LMX1B: variants seen among roughly 807,000 people sequenced by gnomAD.
LMX1B encodes the protein LIM homeobox transcription factor 1-beta.
In LMX1B, 12 loss-of-function variants were observed where a neutral mutation model predicts 51.4. That is an observed-to-expected ratio of 0.23 (90% CI 0.15 to 0.38). The LOEUF is 0.38. Among genes scored for constraint, LMX1B ranks in the 10% least tolerant of loss-of-function variants. The probability of loss-of-function intolerance (pLI) is 1.00; values close to 1 mark genes in which losing one functional copy is unlikely to be tolerated. For synonymous variants in LMX1B, 237 were observed against 235.4 expected, an observed-to-expected ratio of 1.01 and a Z score of -0.06; for missense variants, 445 against 571.1, an observed-to-expected ratio of 0.78 and a Z score of 2.25.
chr9:126,690,795 C>G, intron 2 of LMX1B, 41 bp from the exon 3 acceptor site: 1 of 1,547,578 alleles, frequency 6.5e-7, no homozygotes, highest in South Asian at 1.2e-5. Context: ...CTGGGAGGGA[C>G]TTCTGAGCAC....
At chr9:126,634,705 T>A (rs1445335179) in intron 2 of LMX1B, among the ~76,000 whole-genome samples, 1 of 152,134 alleles carries the variant, frequency 6.6e-6, no homozygotes, top group Non-Finnish European at 1.5e-5. Flanking sequence ...ATTCCTACTG[T>A]CCAGGTTGTT....
rs775152546 is a variant in LMX1B, at chr9:126,696,432, G to A, written c.1190G>A (p.Ser397Asn). ...NPIDRLYSMQ[S>N]SYFAS ...ATCGACCGGCTCTACTCCATGCAGA[G>A]TTCCTACTTCGCCTCCTGAGAGCCA... Residue 397 changes from serine to asparagine, a missense_variant, in exon 8 of 8, where the codon AGT becomes AAT. This residue lies in a region of LMX1B where 162 missense variants were observed against 187.8 expected (regional missense o/e 0.86). Coordinates refer to ENST00000373474, the MANE Select transcript of LMX1B (RefSeq NM_001174147.2). The A allele has an allele frequency of 3.1e-6, 5 of 1,614,070 alleles. No homozygotes were observed. Among genetic ancestry groups the A allele is most frequent in the Non-Finnish European group, 4.2e-6 (5 of 1,179,968 alleles).
intron 2 of LMX1B, among the ~76,000 whole-genome samples, chr9:126,674,683 C>T (rs113206402): frequency 0.015 from 2,304 of 152,232 alleles, 58 homozygotes; most frequent in African/African-American, 0.052. Context: ...CTGACAGGGC[C>T]GAGGGAGCCA....
intron 2 of LMX1B, among the ~76,000 whole-genome samples, chr9:126,681,753 T>C (rs1564165533): frequency 6.6e-6 from 1 of 151,830 alleles, no homozygotes; most frequent in Non-Finnish European, 1.5e-5. Flanking sequence ...ATACAAAAAT[T>C]AGCCGAGTGT....
rs1323005968 is a variant in LMX1B, at chr9:126,626,244, C to T, written c.326+10675C>T. Among the ~76,000 whole-genome samples the T allele has an allele frequency of 1.3e-5, 2 of 152,216 alleles. No homozygotes were observed. Among genetic ancestry groups the T allele is most frequent in the African/African-American group, 4.8e-5 (2 of 41,468 alleles). ...AGAGTGCACGCAGTCTCCTGCGCGC[C>T]GAGCCCAGGCTCCGGGCGCAGGGAG... On this transcript the variant is annotated intron_variant, in intron 2 of 7. Coordinates refer to ENST00000373474, the MANE Select transcript of LMX1B (RefSeq NM_001174147.2). The surrounding 1 kb of genome is among the most constrained non-coding windows in gnomAD (Gnocchi z 4.3).
chr9:126,689,557 G>T (rs2030038097), intron 2 of LMX1B, among the ~76,000 whole-genome samples: 2 of 152,230 alleles, frequency 1.3e-5, no homozygotes, highest in African/African-American at 4.8e-5. Context: ...TCAAAGTGTT[G>T]TTGAGCTGAG....
In LMX1B at chr9:126,626,024, G is replaced by C. The variant is rs373019467; in HGVS notation, c.326+10455G>C. ...AAACGAAGCCTGCGTGCCCCCGGGG[G>C]CTCCGTTTTGCTCCCCTCATGGACA... On this transcript the variant is annotated intron_variant, in intron 2 of 7. Transcript: ENST00000373474. This position sits in a 1 kb window ranked among gnomAD's most constrained non-coding sequence, Gnocchi z 4.3. 6.6e-6 allele frequency among the ~76,000 whole-genome samples: 1 copy of C among 152,262 alleles called. No homozygotes were observed. Among genetic ancestry groups the C allele is most frequent in the Non-Finnish European group, 1.5e-5 (1 of 68,044 alleles).
chr9:126,679,238 C>A (rs1270668591), intron 2 of LMX1B, among the ~76,000 whole-genome samples: 2 of 151,030 alleles, frequency 1.3e-5, no homozygotes, highest in African/African-American at 5.0e-5. Context: ...TGAGTCACTA[C>A]ATGGCGTTTG....
intron 3 of LMX1B, among the ~76,000 whole-genome samples, chr9:126,692,820 G>T (rs1186342697): frequency 6.6e-6 from 1 of 152,258 alleles, no homozygotes; most frequent in Non-Finnish European, 1.5e-5. Flanking sequence ...GTACGTGTGT[G>T]CATGCCTGTG....
At chr9:126,644,487 G>A (rs527594114) in intron 2 of LMX1B, among the ~76,000 whole-genome samples, 9 of 152,252 alleles carry the variant, frequency 5.9e-5, no homozygotes, top group South Asian at 4.1e-4. Flanking sequence ...GGGAGTGCCC[G>A]CCCTTCCCGC....
intron 2 of LMX1B, among the ~76,000 whole-genome samples, chr9:126,627,333 T>C (rs1449324384): frequency 6.6e-6 from 1 of 152,150 alleles, no homozygotes; most frequent in Admixed American, 6.5e-5. Context: ...CCTGCTTGCT[T>C]CTGACTTCAT....
chr9:126,650,060 C>T (rs1835971481), intron 2 of LMX1B, among the ~76,000 whole-genome samples: 1 of 152,224 alleles, frequency 6.6e-6, no homozygotes, highest in African/African-American at 2.4e-5. Context: ...GCTTGGTGAG[C>T]CCCTGTTCAT....
intron 2 of LMX1B, among the ~76,000 whole-genome samples, chr9:126,635,247 A>C (rs1317996228): frequency 6.6e-6 from 1 of 152,098 alleles, no homozygotes; most frequent in Admixed American, 6.5e-5. Context: ...CTAGTCAGCT[A>C]CTTGCCCCCA....
At chr9:126,678,335 A>AAAAAC (rs1836610200) in intron 2 of LMX1B, among the ~76,000 whole-genome samples, 4 of 141,356 alleles carry the variant, frequency 2.8e-5, no homozygotes, top group Admixed American at 6.9e-5. Flanking sequence ...AAAACAAAAA[A>AAAAAC]AAAAAACAAA....
chr9:126,619,822 GGGGAAGCAGGCT>G (rs1242478332), intron 2 of LMX1B, among the ~76,000 whole-genome samples: 1 of 152,162 alleles, frequency 6.6e-6, no homozygotes, highest in South Asian at 2.1e-4. Flanking sequence ...TTCTTGAGTG[GGGGAAGCAGGCT>G]GGGAGGATCT....
intron 3 of LMX1B, 101 bp from the exon 4 acceptor site, chr9:126,693,041 G>C (rs1313140347): frequency 7.9e-7 from 1 of 1,260,532 alleles, no homozygotes; most frequent in African/African-American, 1.5e-5. Context: ...TGTCAACAGA[G>C]GGGACAGGCT....
chr9:126,618,545 AG>A lies in LMX1B; in HGVS notation c.326+2977del, dbSNP rs1471245179. Reference sequence around the variant, plus strand: ...GGGGGCTCCTTCAAAAAAAAGAAAAAGCAGCCTTTTCGGACAGAAAACCAGT... The same window carrying A: ...GGGGGCTCCTTCAAAAAAAAGAAAAACAGCCTTTTCGGACAGAAAACCAGT... On this transcript the variant is annotated intron_variant, in intron 2 of 7. Transcript: ENST00000373474. This position sits in a 1 kb window ranked among gnomAD's most constrained non-coding sequence, Gnocchi z 4.5. Among the ~76,000 whole-genome samples the A allele has an allele frequency of 6.6e-6, 1 of 152,270 alleles. No individual in the cohort carries two copies. Among genetic ancestry groups the A allele is most frequent in the East Asian group, 1.9e-4 (1 of 5,184 alleles).
At chr9:126,675,967 T>G (rs1224446463) in intron 2 of LMX1B, among the ~76,000 whole-genome samples, 1 of 146,446 alleles carries the variant, frequency 6.8e-6, no homozygotes, top group East Asian at 2.0e-4. Flanking sequence ...GAGAATGGCG[T>G]GAACCCGGGA....
At chr9:126,660,078 G>GC in intron 2 of LMX1B, among the ~76,000 whole-genome samples, 5 of 149,028 alleles carry the variant, frequency 3.4e-5, no homozygotes, top group African/African-American at 7.4e-5. Context: ...GTCTACACTG[G>GC]CTTCAGAGGT....
Sources: allele counts gnomAD v4.1 joint callset (sites outside exome capture counted in the v4.1 genomes callset), GRCh38; gene constraint gnomAD v4.1.1; regional missense constraint gnomAD v4.1.1; non-coding constraint Gnocchi (gnomAD v3.1); transcripts MANE v1.5; gene names NCBI Gene and HGNC (gene_info 2026-07-23, HGNC 2026-07-21).